DHX8: variants seen among roughly 807,000 people sequenced by gnomAD.
DHX8 encodes DEAH-box helicase 8, also known as ATP-dependent RNA helicase DHX8.
DHX8 carries 67 observed loss-of-function variants against 140.7 expected under a neutral mutation model. That is an observed-to-expected ratio of 0.48 (90% CI 0.39 to 0.58). DHX8 has a LOEUF of 0.58. Among genes scored for constraint, DHX8 ranks in the 20% least tolerant of loss-of-function variants. DHX8 has a pLI of 0.00. For missense variants in DHX8, 887 were observed against 1,550.7 expected, an observed-to-expected ratio of 0.57 and a Z score of 7.19; for synonymous variants, 533 against 553.2, an observed-to-expected ratio of 0.96 and a Z score of 0.51.
At chr17:43,540,854 A>T (rs1221575303) in intron 3 of DHX8, among the ~76,000 whole-genome samples, 1 of 152,044 alleles carries the variant, frequency 6.6e-6, no homozygotes, top group African/African-American at 2.4e-5. Context: ...ACTAGGCAAG[A>T]AGGGTCCCAA....
intron 9 of DHX8, 61 bp downstream of exon 9, chr17:43,496,329 T>A: frequency 8.3e-7 from 1 of 1,199,572 alleles, no homozygotes; most frequent in Non-Finnish European, 1.2e-6. Context: ...ATTGGGTGAT[T>A]TGCCTGTAGT....
At chr17:43,540,092 A>G (rs1971444962) in intron 3 of DHX8, among the ~76,000 whole-genome samples, 1 of 152,222 alleles carries the variant, frequency 6.6e-6, no homozygotes, top group Non-Finnish European at 1.5e-5. Context: ...TTTCAGGAGC[A>G]CAAACACGGC....
At position 43,520,839 on chromosome 17, in the gene DHX8, T is replaced by G. The variant is rs1273256044; in HGVS notation, c.3026T>G (p.Val1009Gly). The G allele has an allele frequency of 1.2e-6, 2 of 1,614,178 alleles. No homozygotes were observed. Among genetic ancestry groups the G allele is most frequent in the South Asian group, 2.2e-5 (2 of 91,072 alleles). Residue 1009 changes from valine (V) to glycine (G), a missense_variant, in exon 20 of 23, where the codon GTA becomes GGA. Around this residue, in one of 9 missense-constraint regions of DHX8, gnomAD observed 151 missense variants for 388.3 expected, o/e 0.39. Transcript: ENST00000262415. ...TGCAGTGAGGAAATGCTGACCATTG[T>G]ATCCATGCTGTCTGTGCAGAACGTC... ...LGCSEEMLTIVSMLSVQNVFY... is the reference protein window; with the variant it reads ...LGCSEEMLTIGSMLSVQNVFY...
At chr17:43,507,400 A>G (rs1479376029) in intron 13 of DHX8, 103 bp from the exon 14 acceptor site, 1 of 1,201,304 alleles carries the variant, frequency 8.3e-7, no homozygotes, top group Non-Finnish European at 1.2e-6. Context: ...TCTTGATCAG[A>G]TTCTTAAGAT....
chr17:43,502,407 T>C (rs1969245847), intron 11 of DHX8, among the ~76,000 whole-genome samples: 1 of 152,084 alleles, frequency 6.6e-6, no homozygotes, highest in African/African-American at 2.4e-5. Flanking sequence ...TATTTTGTTT[T>C]GTTTTGTTAT....
chr17:43,529,303 G>A, downstream of DHX8: 4 of 1,515,916 alleles, frequency 2.6e-6, no homozygotes, highest in Non-Finnish European at 3.7e-6. Flanking sequence ...GGTAAGGTCA[G>A]AAAGAGCACT....
chr17:43,523,744 C>T lies in DHX8; in HGVS notation c.3560C>T (p.Thr1187Ile). 1 of 1,614,232 alleles carries T rather than the reference C, an allele frequency of 6.2e-7. No individual in the cohort carries two copies. The highest frequency in any genetic ancestry group is 8.5e-7 in the Non-Finnish European group (1 of 1,180,046). Residue 1187 changes from threonine (T) to isoleucine (I), a missense_variant, in exon 23 of 23, where the codon ACT becomes ATT. Physicochemically the swap from Thr to Ile is moderately conservative, Grantham distance 89. Transcript: ENST00000262415. ...APAFFKVSDP[T>I]KLSKQKKQQR... ...GCCTTCTTCAAGGTCTCAGACCCAACTAAGCTAAGCAAACAGAAGAAGCAA... is the reference window on the plus strand; with the variant it reads ...GCCTTCTTCAAGGTCTCAGACCCAATTAAGCTAAGCAAACAGAAGAAGCAA...
At position 43,492,258 on chromosome 17, in the gene DHX8, G is replaced by T; in HGVS notation, c.469G>T (p.Ala157Ser). 6.2e-7 allele frequency: 1 copy of T among 1,614,032 alleles called. No individual in the cohort carries two copies. The highest frequency in any genetic ancestry group is 8.5e-7 in the Non-Finnish European group (1 of 1,179,900). Residue 157 changes from alanine to serine, a missense_variant, in exon 5 of 23, where the codon GCA becomes TCA. Ala to Ser is a moderately conservative substitution (Grantham distance 99). Coordinates refer to ENST00000262415, the MANE Select transcript of DHX8 (RefSeq NM_004941.3). ...ACTGGAAGCTTTAATGCCCAGCGCA[G>T]CAGGCCAGGAGAAGCAAAGAGATGC... ...KELEALMPSA[A>S]GQEKQRDAEH...
In DHX8 at chr17:43,523,827, C is replaced by A; in HGVS notation, c.3643C>A (p.Arg1215=). Residue 1215 remains arginine, a synonymous_variant, in exon 23 of 23, where the codon CGA becomes AGA. Transcript: ENST00000262415. ...GGAACCCAATGCCTGGAGAATATCT[C>A]GAGCTTTCCGACGGCGCTGAAAGGC... ...YEEPNAWRIS[R]AFRRR The A allele has an allele frequency of 6.2e-7, 1 of 1,614,190 alleles. No individual in the cohort carries two copies.
At chr17:43,518,604 A>G (rs535803839) in intron 18 of DHX8, 115 of 150,840 alleles carry the variant, frequency 7.6e-4, no homozygotes, top group African/African-American at 2.5e-3. Context: ...TAAAATACAT[A>G]ACAACATTTA....
chr17:43,509,871 G>A (rs553461854), intron 16 of DHX8, among the ~76,000 whole-genome samples: 167 of 152,096 alleles, frequency 1.1e-3, no homozygotes, highest in Admixed American at 2.2e-3. Context: ...GTTTCCCCAC[G>A]TTGGCCGGGC....
chr17:43,539,722 GCAGGCTCCCCCTCTCCA>G, intron 3 of DHX8, among the ~76,000 whole-genome samples: 1 of 152,284 alleles, frequency 6.6e-6, no homozygotes, highest in African/African-American at 2.4e-5. Context: ...GCCCTTCCCT[GCAGGCTCCCCCTCTCCA>G]CACACAAGGC....
At chr17:43,523,141 A>G (rs887155619) in intron 22 of DHX8, among the ~76,000 whole-genome samples, 5 of 151,968 alleles carry the variant, frequency 3.3e-5, no homozygotes, top group African/African-American at 1.2e-4. Context: ...TTAAAGTAGC[A>G]TTTTTAAAAA....
chr17:43,533,331 C>CT, intron 2 of DHX8: 1 of 1,613,400 alleles, frequency 6.2e-7, no homozygotes, highest in Non-Finnish European at 8.5e-7. Flanking sequence ...GGCGATTTGT[C>CT]TGGGGGGGTC....
chr17:43,522,197 C>T lies in DHX8; in HGVS notation c.3414C>T (p.Ser1138=), dbSNP rs748228363. The T allele has an allele frequency of 1.7e-5, 28 of 1,613,756 alleles. No homozygotes were observed. The highest frequency in any genetic ancestry group is 2.3e-5 in the Non-Finnish European group (27 of 1,179,868). The change falls in exon 22 of 23, where the codon TCC becomes TCT. Residue 1138 remains serine, a synonymous_variant. Transcript: ENST00000262415. ...AGCAGGTGGTCTATATCCATCCTTC[C>T]AGTGCCCTCTTCAACAGACAGCCAG... The part of the protein sequence containing the change: ...IDQQVVYIHP[S]SALFNRQPEW...
chr17:43,496,247 C>G lies in DHX8; in HGVS notation c.1279C>G (p.Pro427Ala). The change falls in exon 9 of 23, where the codon CCT becomes GCT. Residue 427 changes from proline to alanine, a missense_variant. By Grantham distance (27) the Pro-to-Ala change is conservative. This residue lies in a region of DHX8 where 178 missense variants were observed against 398.5 expected (regional missense o/e 0.45). Coordinates refer to ENST00000262415, the MANE Select transcript of DHX8 (RefSeq NM_004941.3). ...CTTTGATGAAGAGACTGGCATTCTCCCTAAGGTGGATGATGAAGAAGGTAA... is the reference window on the plus strand; with the variant it reads ...CTTTGATGAAGAGACTGGCATTCTCGCTAAGGTGGATGATGAAGAAGGTAA... ...PDFDEETGIL[P>A]KVDDEEDEDL... 6.2e-7 allele frequency: 1 copy of G among 1,613,522 alleles called. No individual in the cohort carries two copies. The highest frequency in any genetic ancestry group is 8.5e-7 in the Non-Finnish European group (1 of 1,179,658).
In DHX8 at chr17:43,495,480, T is replaced by C. The variant is rs1968802538; in HGVS notation, c.1213-701T>C. ...TTTTTGTAGAGACAGTCTTGCCGTG[T>C]TACCAGTGCTCATCTCAAACTCCTG... On this transcript the variant is annotated intron_variant, in intron 8 of 22. Transcript: ENST00000262415. Among the ~76,000 whole-genome samples, 3 of 152,082 alleles carry C rather than the reference T, an allele frequency of 2.0e-5. No homozygotes were observed. The South Asian group carries it at 6.2e-4, about 32-fold the overall frequency.
At chr17:43,489,825 C>T (rs1364087984) in intron 2 of DHX8, among the ~76,000 whole-genome samples, 4 of 152,038 alleles carry the variant, frequency 2.6e-5, no homozygotes, top group Non-Finnish European at 4.4e-5. Context: ...CTCCTGACCT[C>T]GTGATCCACC....
At chr17:43,485,306 G>A (rs1259108098) in intron 1 of DHX8, among the ~76,000 whole-genome samples, 2 of 152,118 alleles carry the variant, frequency 1.3e-5, no homozygotes, top group Non-Finnish European at 1.5e-5. Context: ...GTGACAGGAG[G>A]GGTTAGGGAA....
Sources: allele counts gnomAD v4.1 joint callset (sites outside exome capture counted in the v4.1 genomes callset), GRCh38; gene constraint gnomAD v4.1.1; regional missense constraint gnomAD v4.1.1; transcripts MANE v1.5; gene names NCBI Gene and HGNC (gene_info 2026-07-23, HGNC 2026-07-21).